Variants in KIF1A observed in about 807,000 individuals in gnomAD.
The protein encoded by KIF1A is kinesin-like protein KIF1A.
KIF1A carries 46 observed loss-of-function variants against 227.3 expected under a neutral mutation model. The observed-to-expected ratio is 0.20, with a 90% CI of 0.16 to 0.26. The LOEUF is 0.26. KIF1A is among the 10% of genes least tolerant of loss of function. KIF1A has a pLI of 1.00. For missense variants in KIF1A, 1,683 were observed against 2,485.9 expected, an observed-to-expected ratio of 0.68 and a Z score of 6.87; for synonymous variants, 1,022 against 1,012.8, an observed-to-expected ratio of 1.01 and a Z score of -0.17.
At chr2:240,802,222 G>T (rs2057036905) in intron 1 of KIF1A, among the ~76,000 whole-genome samples, 1 of 152,126 alleles carries the variant, frequency 6.6e-6, no homozygotes, top group Admixed American at 6.6e-5. Context: ...CATGAAAGAG[G>T]TAACAGTAAT....
chr2:240,728,498 C>G, intron 38 of KIF1A: 1 of 926,654 alleles, frequency 1.1e-6, no homozygotes, highest in South Asian at 1.4e-5. Context: ...AGGCCCAGGG[C>G]AGAAAACTTA....
At chr2:240,773,888 A>G (rs563058253) in intron 12 of KIF1A, among the ~76,000 whole-genome samples, 1 of 151,730 alleles carries the variant, frequency 6.6e-6, no homozygotes, top group Non-Finnish European at 1.5e-5. Context: ...CCCGGCCGGC[A>G]GGTGAGTGTA....
At chr2:240,741,729 G>A (rs1444748780) in intron 34 of KIF1A, among the ~76,000 whole-genome samples, 2 of 152,174 alleles carry the variant, frequency 1.3e-5, no homozygotes, top group Non-Finnish European at 1.5e-5. Flanking sequence ...CAACCCTCAC[G>A]GGGCCGCTCT....
At chr2:240,782,166 C>A in intron 10 of KIF1A, 1 of 985,390 alleles carries the variant, frequency 1.0e-6, no homozygotes, top group Non-Finnish European at 1.2e-6. Context: ...CGACTCCACA[C>A]GCGCCCGCCT....
chr2:240,763,118 G>T, intron 21 of KIF1A, 27 bp from the exon 22 acceptor site: 1 of 1,600,470 alleles, frequency 6.2e-7, no homozygotes, highest in Non-Finnish European at 8.5e-7. Flanking sequence ...GGGTGAGCAC[G>T]GGAGGGCAGG....
intron 38 of KIF1A, chr2:240,734,840 A>C: frequency 5.4e-5 from 45 of 825,926 alleles, no homozygotes; most frequent in Non-Finnish European, 7.4e-5. Context: ...CTGTGGCCAC[A>C]GGCCCACTCT....
At chr2:240,795,767 G>A (rs1297910195) in intron 2 of KIF1A, among the ~76,000 whole-genome samples, 3 of 152,180 alleles carry the variant, frequency 2.0e-5, no homozygotes, top group Non-Finnish European at 4.4e-5. Context: ...TCACTTCTGG[G>A]ACACACATTC....
At chr2:240,749,571 AG>A (rs771360031) in intron 28 of KIF1A, among the ~76,000 whole-genome samples, 7 of 152,164 alleles carry the variant, frequency 4.6e-5, no homozygotes, top group Non-Finnish European at 8.8e-5. Context: ...AGCCCGGGGC[AG>A]GCAGGGAAGG....
chr2:240,782,474 C>T lies in KIF1A; in HGVS notation c.882+116G>A, dbSNP rs528549058. The T allele has an allele frequency of 1.9e-5, 22 of 1,146,174 alleles. No homozygotes were observed. In the Admixed American group the frequency reaches 4.9e-4, roughly 25 times the overall value. 71.0% of individuals were successfully genotyped at this position (1,146,174 alleles called of 1,614,324 possible). On this transcript the variant is annotated intron_variant, in intron 10 of 48. Transcript: ENST00000498729. ...CCTTCCCGGGATCCACCCCCACGTC[C>T]CCCATCTCCCAGCGCACTCACTGCC...
At chr2:240,819,449 G>A (rs1188813633) in intron 1 of KIF1A, among the ~76,000 whole-genome samples, 1 of 152,160 alleles carries the variant, frequency 6.6e-6, no homozygotes, top group South Asian at 2.1e-4. Context: ...TCTGGCGTGG[G>A]AGGGGGTGAT....
chr2:240,805,462 A>G (rs917745483), intron 1 of KIF1A, among the ~76,000 whole-genome samples: 1 of 152,190 alleles, frequency 6.6e-6, no homozygotes, highest in African/African-American at 2.4e-5. Flanking sequence ...AATTACCCAA[A>G]ATGATCCCAG....
At chr2:240,751,974 C>A (rs765569402) in intron 27 of KIF1A, among the ~76,000 whole-genome samples, 3 of 152,286 alleles carry the variant, frequency 2.0e-5, no homozygotes, top group Admixed American at 6.5e-5. Context: ...ACCTCCCTCG[C>A]TTTCTGAGTG....
At position 240,714,779 on chromosome 2, in the gene KIF1A, C is replaced by T. The variant is rs2044458940; in HGVS notation, c.*2585G>A. 6.6e-6 allele frequency: 1 copy of T among 152,254 alleles called. No homozygotes were observed. The highest frequency in any genetic ancestry group is 6.5e-5 in the Admixed American group (1 of 15,276). The allele number at this position is 152,254 out of a possible 1,614,324, so 9.4% of individuals were successfully genotyped here. ...TCAACTCTGAGTTTCTGGGTCCTGG[C>T]TTAGGCACTCCTCACTAGAGCAGGC... On this transcript the variant is annotated 3_prime_UTR_variant, in exon 49 of 49. Coordinates refer to ENST00000498729, the MANE Select transcript of KIF1A (RefSeq NM_001244008.2).
chr2:240,745,569 C>G (rs1375282124), intron 31 of KIF1A, 52 bp from the exon 32 acceptor site: 3 of 1,534,468 alleles, frequency 2.0e-6, no homozygotes, highest in Non-Finnish European at 2.7e-6. Flanking sequence ...TGGGATGAGA[C>G]CTTACCAGGT....
At chr2:240,784,128 G>A (rs1439858913) in intron 7 of KIF1A, among the ~76,000 whole-genome samples, 3 of 152,204 alleles carry the variant, frequency 2.0e-5, no homozygotes, top group Admixed American at 6.5e-5. Context: ...CACGAGGTGC[G>A]ACTGTCACTG....
intron 1 of KIF1A, among the ~76,000 whole-genome samples, chr2:240,807,659 A>C (rs763494186): frequency 1.3e-5 from 2 of 152,370 alleles, no homozygotes; most frequent in Non-Finnish European, 2.9e-5. Flanking sequence ...ATCGAGAGCC[A>C]ACTGTACTCC....
chr2:240,817,198 C>T (rs1345958302), intron 1 of KIF1A, among the ~76,000 whole-genome samples: 3 of 152,328 alleles, frequency 2.0e-5, no homozygotes, highest in Admixed American at 1.3e-4. Context: ...GCAGGCCCAA[C>T]GCTGCCTGGC....
rs201119646 is a variant in KIF1A, at chr2:240,719,797, A to G, written c.4998T>C (p.Pro1666=). Residue 1666 remains proline (P), a synonymous_variant, in exon 46 of 49, where the codon CCT becomes CCC. Coordinates refer to ENST00000498729, the MANE Select transcript of KIF1A (RefSeq NM_001244008.2). Reference sequence around the variant, plus strand: ...ACCTGACTCGGATCTCCTGGATGTCAGGGACCAGCAGGCGCTGGGGCTCCT... The same window carrying G: ...ACCTGACTCGGATCTCCTGGATGTCGGGGACCAGCAGGCGCTGGGGCTCCT... ...TDKEPQRLLV[P]DIQEIRVSPI... 4.9e-5 allele frequency: 79 copies of G among 1,599,438 alleles called. No homozygotes were observed. The African/African-American group carries it at 7.4e-4, about 15-fold the overall frequency.
At position 240,760,674 on chromosome 2, in the gene KIF1A, T is replaced by C; in HGVS notation, c.2435A>G (p.Glu812Gly). The change falls in exon 25 of 49, where the codon GAG becomes GGG. Residue 812 changes from glutamate to glycine, a missense_variant. Glu to Gly is a moderately conservative substitution (Grantham distance 98). Transcript: ENST00000498729. ...GGCCCTCCAGCCCCACCTGAGCTTC[T>C]CCAGCGTCCAGTAGTGGGTGGCCCC... ...KNGATHYWTL[E>G]KLRQRLDLMR... 2.0e-6 allele frequency: 3 copies of C among 1,525,684 alleles called. No individual in the cohort carries two copies. Among genetic ancestry groups the C allele is most frequent in the Admixed American group, 4.1e-5 (2 of 49,206 alleles). 94.5% of individuals were successfully genotyped at this position (1,525,684 alleles called of 1,614,324 possible).
Sources: gnomAD v4.1 joint callset for allele counts (sites outside exome capture counted in the v4.1 genomes callset) on GRCh38, gnomAD v4.1.1 for gene constraint, MANE v1.5 for transcripts, NCBI Gene and HGNC (gene_info 2026-07-23, HGNC 2026-07-21) for gene names.